The following GALNTL6 variants were observed in gnomAD, a reference collection of about 807,000 sequenced individuals.
GALNTL6 encodes polypeptide N-acetylgalactosaminyltransferase-like 6.
Under a neutral mutation model 73.7 loss-of-function variants are expected in GALNTL6, and 46 were observed. The observed-to-expected ratio is 0.62, with a 90% CI of 0.49 to 0.80. GALNTL6 has a LOEUF of 0.80. GALNTL6 is among the 30% of genes least tolerant of loss of function. The probability of loss-of-function intolerance (pLI) is 0.00; values close to 1 mark genes in which losing one functional copy is unlikely to be tolerated. For missense variants in GALNTL6, 604 were observed against 755.0 expected, an observed-to-expected ratio of 0.80 and a Z score of 2.34; for synonymous variants, 259 against 263.7, an observed-to-expected ratio of 0.98 and a Z score of 0.17.
chr4:172,690,311 A>G (rs550647082), intron 5 of GALNTL6, among the ~76,000 whole-genome samples: 85 of 152,314 alleles, frequency 5.6e-4, no homozygotes, highest in African/African-American at 2.0e-3. Flanking sequence ...TCCAGAAAAA[A>G]AATTCTTATT....
intron 8 of GALNTL6, among the ~76,000 whole-genome samples, chr4:172,895,126 C>G (rs758256435): frequency 6.6e-6 from 1 of 151,306 alleles, no homozygotes; most frequent in South Asian, 2.1e-4. Context: ...ATAGTTAGGT[C>G]TTGTTTGTTT....
intron 5 of GALNTL6, among the ~76,000 whole-genome samples, chr4:172,440,832 A>G (rs1731809860): frequency 6.6e-6 from 1 of 152,140 alleles, no homozygotes; most frequent in Non-Finnish European, 1.5e-5. Context: ...TTACTGATTC[A>G]TAAAAGCTTT....
chr4:172,133,782 A>G (rs1371027610), intron 2 of GALNTL6, among the ~76,000 whole-genome samples: 2 of 152,228 alleles, frequency 1.3e-5, no homozygotes, highest in South Asian at 2.1e-4. Flanking sequence ...AAGGCATGGC[A>G]TATAATAAAA....
chr4:171,963,199 G>A (rs1002501030), intron 2 of GALNTL6, among the ~76,000 whole-genome samples: 4 of 151,882 alleles, frequency 2.6e-5, no homozygotes, highest in African/African-American at 7.3e-5. Context: ...AAATCAAAAG[G>A]AGTGAAACTC....
intron 5 of GALNTL6, among the ~76,000 whole-genome samples, chr4:172,710,182 GT>G (rs1213333998): frequency 6.6e-6 from 1 of 152,102 alleles, no homozygotes; most frequent in Non-Finnish European, 1.5e-5. Context: ...CATTCTAATC[GT>G]TTGCTGGGGA....
intron 2 of GALNTL6, among the ~76,000 whole-genome samples, chr4:172,043,051 A>G (rs1742129675): frequency 6.6e-6 from 1 of 152,000 alleles, no homozygotes; most frequent in Non-Finnish European, 1.5e-5. Flanking sequence ...TCAGCCACAC[A>G]ACACTTTGGC....
intron 2 of GALNTL6, among the ~76,000 whole-genome samples, chr4:171,816,964 G>A (rs1248027229): frequency 6.6e-6 from 1 of 151,976 alleles, no homozygotes; most frequent in East Asian, 1.9e-4. Context: ...TGCAATGTTA[G>A]CAAGGTGGCT....
intron 5 of GALNTL6, among the ~76,000 whole-genome samples, chr4:172,791,641 G>A (rs1739999491): frequency 6.6e-6 from 1 of 151,944 alleles, no homozygotes; most frequent in Non-Finnish European, 1.5e-5. Context: ...GGGAAGAAAG[G>A]GTCTGTGGCT....
chr4:172,029,439 C>T (rs928268361), intron 2 of GALNTL6, among the ~76,000 whole-genome samples: 1 of 151,962 alleles, frequency 6.6e-6, no homozygotes, highest in African/African-American at 2.4e-5. Context: ...CTGACACTAT[C>T]GAATACTGAT....
rs972621446 is a variant in GALNTL6 at position 172,554,990 on chromosome 4, T to C, written c.553+206301T>C. On this transcript the variant is annotated intron_variant, in intron 5 of 12. Coordinates refer to ENST00000506823, the MANE Select transcript of GALNTL6 (RefSeq NM_001034845.3). ...TTAAAAATAGGTGTCGCAATTTACA[T>C]TCACACTAGCAATGTTTGATAATTG... Among the ~76,000 whole-genome samples, 4 of 152,184 alleles carry C rather than the reference T, an allele frequency of 2.6e-5. No homozygotes were observed. In the South Asian group the frequency reaches 6.2e-4, roughly 24 times the overall value.
At chr4:172,874,213 A>G (rs569477021) in intron 7 of GALNTL6, among the ~76,000 whole-genome samples, 15 of 152,324 alleles carry the variant, frequency 9.8e-5, no homozygotes, top group African/African-American at 3.6e-4. Flanking sequence ...TTGCTCTGCC[A>G]TTTCACATCA....
chr4:172,717,308 A>G (rs985675436), intron 5 of GALNTL6, among the ~76,000 whole-genome samples: 7 of 152,342 alleles, frequency 4.6e-5, no homozygotes, highest in Admixed American at 4.6e-4. Flanking sequence ...CATTCTATGT[A>G]ATCATTGCAC....
At chr4:173,020,547 A>G (rs940843447) in intron 11 of GALNTL6, among the ~76,000 whole-genome samples, 4 of 152,192 alleles carry the variant, frequency 2.6e-5, no homozygotes, top group African/African-American at 9.7e-5. Context: ...GTTACAGTCT[A>G]AAACTTTCTA....
At chr4:172,399,052 T>C (rs925358641) in intron 5 of GALNTL6, among the ~76,000 whole-genome samples, 1 of 152,146 alleles carries the variant, frequency 6.6e-6, no homozygotes, top group Non-Finnish European at 1.5e-5. Context: ...TGTTAAAATA[T>C]GTATTTTGTT....
intron 3 of GALNTL6, among the ~76,000 whole-genome samples, chr4:172,297,653 G>A (rs993756400): frequency 2.0e-5 from 3 of 152,178 alleles, no homozygotes; most frequent in Non-Finnish European, 2.9e-5. Flanking sequence ...TCAAAAATCA[G>A]ATAATTGTAG....
intron 5 of GALNTL6, among the ~76,000 whole-genome samples, chr4:172,456,989 C>G (rs1275929312): frequency 1.3e-5 from 2 of 152,186 alleles, no homozygotes; most frequent in African/African-American, 2.4e-5. Context: ...GCCCATTAGA[C>G]TAACAGAGGA....
chr4:172,694,760 G>A (rs538693123), intron 5 of GALNTL6, among the ~76,000 whole-genome samples: 6 of 152,272 alleles, frequency 3.9e-5, no homozygotes, highest in South Asian at 2.1e-4. Flanking sequence ...GCTCCCTTAC[G>A]TATGCATTTT....
chr4:172,587,143 A>C (rs907653998), intron 5 of GALNTL6, among the ~76,000 whole-genome samples: 4 of 151,728 alleles, frequency 2.6e-5, no homozygotes, highest in Non-Finnish European at 5.9e-5. Context: ...GTGTAGAAAA[A>C]ATGTACGATC....
At chr4:172,260,551 C>A (rs748703936) in intron 3 of GALNTL6, among the ~76,000 whole-genome samples, 1 of 151,434 alleles carries the variant, frequency 6.6e-6, no homozygotes, top group South Asian at 2.1e-4. Flanking sequence ...CTTTGGCAAA[C>A]AGCTACAGTT....
Sources: gnomAD v4.1 joint callset for allele counts (sites outside exome capture counted in the v4.1 genomes callset) on GRCh38, gnomAD v4.1.1 for gene constraint, MANE v1.5 for transcripts, NCBI Gene and HGNC (gene_info 2026-07-23, HGNC 2026-07-21) for gene names.